Variants in HABP4 observed in about 807,000 individuals in gnomAD.
HABP4 encodes intracellular hyaluronan-binding protein 4.
A neutral mutation model predicts 44.1 loss-of-function variants in HABP4; 32 were observed. That is an observed-to-expected ratio of 0.73 (90% confidence interval 0.55 to 0.97). The LOEUF (loss-of-function observed/expected upper bound fraction) is 0.97. HABP4 is among the 50% of genes least tolerant of loss of function. HABP4 has a pLI of 0.00. For missense variants in HABP4, 503 were observed against 561.9 expected (o/e 0.90, Z 1.06); for synonymous variants, 216 against 218.0 (o/e 0.99, Z 0.08).
rs1470925515 is a variant in HABP4, at chr9:96,458,497, A to G, written c.468A>G (p.Thr156=). ...RSYREYRPYE[T]ERQADFTAEK... The stretch of plus-strand genomic sequence containing the variant: ...ACAGGGAATACCGACCCTATGAGAC[A>G]GAGAGGCAGGCAGACTTCACAGCTG... The change falls in exon 2 of 8, where the codon ACA becomes ACG. Residue 156 remains threonine, a synonymous_variant. Coordinates refer to ENST00000375249, the MANE Select transcript of HABP4 (RefSeq NM_014282.4). The G allele has an allele frequency of 6.2e-7, 1 of 1,613,678 alleles. No individual in the cohort carries two copies. The highest frequency in any genetic ancestry group is 1.3e-5 in the African/African-American group (1 of 75,050).
intron 5 of HABP4, among the ~76,000 whole-genome samples, chr9:96,482,331 G>C (rs184486563): frequency 1.3e-5 from 2 of 152,040 alleles, no homozygotes; most frequent in African/African-American, 4.8e-5. Context: ...TATTTTACTC[G>C]TGTTTATGAA....
chr9:96,481,664 T>G (rs1379399149), intron 5 of HABP4, among the ~76,000 whole-genome samples: 2 of 151,902 alleles, frequency 1.3e-5, no homozygotes, highest in Non-Finnish European at 2.9e-5. Flanking sequence ...GGAGGATCCT[T>G]GGGCTCAGGA....
At chr9:96,471,764 G>A (rs762088034) in intron 5 of HABP4, among the ~76,000 whole-genome samples, 2 of 151,794 alleles carry the variant, frequency 1.3e-5, no homozygotes, top group African/African-American at 4.8e-5. Context: ...TACCGGCTCC[G>A]TCTCCAGCAC....
intron 7 of HABP4, among the ~76,000 whole-genome samples, chr9:96,489,177 A>C (rs764571650): frequency 1.3e-5 from 2 of 152,024 alleles, no homozygotes; most frequent in African/African-American, 4.8e-5. Flanking sequence ...GCAAAAACAC[A>C]ATTTTTTGGG....
Position 96,465,417 on chromosome 9 carries a change from G to A in HABP4, c.593G>A (p.Gly198Asp). The change falls in exon 3 of 8, where the codon GGT (glycine) becomes GAT (aspartate). Residue 198 changes from glycine (G) to aspartate (D), a missense_variant. By Grantham distance (94) the Gly-to-Asp change is moderately conservative. Coordinates refer to ENST00000375249, the MANE Select transcript of HABP4 (RefSeq NM_014282.4). ...PRGGMRGRGR[G>D]GPGNRVFDAF... ...GGGGGTATGCGCGGCAGAGGCAGAG[G>A]TGGCCCTGGGAACAGAGTTTTTGAC... 6.2e-7 allele frequency: 1 copy of A among 1,610,926 alleles called. No individual in the cohort carries two copies. The highest frequency in any genetic ancestry group is 8.5e-7 in the Non-Finnish European group (1 of 1,177,032).
chr9:96,468,498 A>G (rs973287354), intron 4 of HABP4, among the ~76,000 whole-genome samples: 2 of 152,098 alleles, frequency 1.3e-5, no homozygotes. Context: ...TGACCTCATG[A>G]TCCGCTCACC....
chr9:96,473,032 G>C (rs183735685), intron 5 of HABP4, among the ~76,000 whole-genome samples: 2 of 152,046 alleles, frequency 1.3e-5, no homozygotes, highest in South Asian at 2.1e-4. Context: ...TTGTCTTTCG[G>C]GTCTTTTAAA....
At chr9:96,465,659 AT>A (rs1314452775) in intron 3 of HABP4, 50 bp from the exon 4 acceptor site, 1 of 1,314,908 alleles carries the variant, frequency 7.6e-7, no homozygotes, top group Admixed American at 1.7e-5. Flanking sequence ...TGATTTGGAG[AT>A]TGACTGGAGA....
chr9:96,478,714 A>G (rs1462152532), intron 5 of HABP4, among the ~76,000 whole-genome samples: 2 of 150,374 alleles, frequency 1.3e-5, no homozygotes, highest in African/African-American at 4.9e-5. Flanking sequence ...AGGCTAGAGT[A>G]CAGTGGTGTG....
At chr9:96,489,936 T>C in intron 7 of HABP4, 46 bp from the exon 8 acceptor site, 2 of 1,170,332 alleles carry the variant, frequency 1.7e-6, no homozygotes, top group Non-Finnish European at 2.6e-6. Flanking sequence ...ATATCGGGAA[T>C]GGATGAAGGG....
chr9:96,464,752 C>T (rs565917151), intron 2 of HABP4, among the ~76,000 whole-genome samples: 4 of 152,178 alleles, frequency 2.6e-5, no homozygotes, highest in South Asian at 4.1e-4. Context: ...TGCCCTTGGC[C>T]GTTTATGTGG....
At chr9:96,485,201 C>T (rs941412585) in intron 6 of HABP4, among the ~76,000 whole-genome samples, 14 of 152,204 alleles carry the variant, frequency 9.2e-5, no homozygotes, top group South Asian at 4.1e-4. Flanking sequence ...TACAGGCATG[C>T]GCCACCACCC....
intron 6 of HABP4, 102 bp from the exon 7 acceptor site, chr9:96,487,987 A>T (rs1833004560): frequency 5.0e-6 from 4 of 795,326 alleles, no homozygotes; most frequent in Non-Finnish European, 8.7e-6. Context: ...CTAGCCCCTG[A>T]TGGTGTTTTA....
chr9:96,451,349 C>A, intron 1 of HABP4: 1 of 245,454 alleles, frequency 4.1e-6, no homozygotes, highest in Non-Finnish European at 6.5e-6. Context: ...AAAACCGGTG[C>A]GCAGCGTGGT....
At chr9:96,484,098 GT>G (rs1832928264) in intron 5 of HABP4, 1 of 162,246 alleles carries the variant, frequency 6.2e-6, no homozygotes, top group African/African-American at 2.4e-5. Context: ...TTTAAAACTT[GT>G]TTATGGTTTC....
intron 2 of HABP4, among the ~76,000 whole-genome samples, chr9:96,462,921 GA>G (rs907276079): frequency 1.5e-4 from 22 of 149,242 alleles, no homozygotes; most frequent in South Asian, 2.1e-4. Context: ...GATACTGTCT[GA>G]AAAAAAAAAT....
chr9:96,490,280 G>T lies in HABP4; in HGVS notation c.*242G>T. ...TTTTATTGAAGGAATTTCAAATGAA[G>T]AATAATGTTTAAAATGTGTATATAG... On this transcript the variant is annotated 3_prime_UTR_variant, in exon 8 of 8. Coordinates refer to ENST00000375249, the MANE Select transcript of HABP4 (RefSeq NM_014282.4). 1.8e-6 allele frequency: 1 copy of T among 558,208 alleles called. No individual in the cohort carries two copies. Among genetic ancestry groups the T allele is most frequent in the Non-Finnish European group, 3.2e-6 (1 of 313,100 alleles). The allele number at this position is 558,208 out of a possible 1,614,324, so 34.6% of individuals were successfully genotyped here.
intron 6 of HABP4, 21 bp downstream of exon 6, chr9:96,484,654 G>A: frequency 7.3e-7 from 1 of 1,361,128 alleles, no homozygotes; most frequent in Non-Finnish European, 1.0e-6. Flanking sequence ...CATTTCGTAT[G>A]TAGAGGTAAT....
At chr9:96,455,580 A>G (rs1832360179) in intron 1 of HABP4, among the ~76,000 whole-genome samples, 1 of 151,904 alleles carries the variant, frequency 6.6e-6, no homozygotes, top group African/African-American at 2.4e-5. Context: ...CCTGGCCAAC[A>G]TGGTGAACCC....
Sources: gnomAD v4.1 joint callset for allele counts (sites outside exome capture counted in the v4.1 genomes callset) on GRCh38, gnomAD v4.1.1 for gene constraint, MANE v1.5 for transcripts, NCBI Gene and HGNC (gene_info 2026-07-23, HGNC 2026-07-21) for gene names.